The following KCNK2 variants were observed in gnomAD, a reference collection of about 807,000 sequenced individuals.
The protein encoded by KCNK2 is potassium channel subfamily K member 2.
A neutral mutation model predicts 40.5 loss-of-function variants in KCNK2; 21 were observed. That is an observed-to-expected ratio of 0.52 (90% CI 0.37 to 0.75). KCNK2 has a LOEUF of 0.75. KCNK2 is among the 30% of genes least tolerant of loss of function. KCNK2 has a pLI of 0.00. For missense variants in KCNK2, 399 were observed against 531.6 expected (o/e 0.75, Z 2.45); for synonymous variants, 191 against 202.2 (o/e 0.94, Z 0.47).
chr1:215,067,958 G>A (rs954908452), intron 1 of KCNK2, among the ~76,000 whole-genome samples: 7 of 151,792 alleles, frequency 4.6e-5, no homozygotes, highest in East Asian at 3.9e-4. Context: ...TGGGAAATTC[G>A]CCCATGTAAT....
chr1:215,049,891 C>A (rs1657921888), intron 1 of KCNK2, among the ~76,000 whole-genome samples: 1 of 152,070 alleles, frequency 6.6e-6, no homozygotes, highest in Admixed American at 6.6e-5. Flanking sequence ...TATCACCTTA[C>A]CTTAATTACT....
chr1:215,130,056 C>A (rs1661600177), intron 3 of KCNK2, among the ~76,000 whole-genome samples: 1 of 152,136 alleles, frequency 6.6e-6, no homozygotes, highest in Non-Finnish European at 1.5e-5. Flanking sequence ...TGGTGGGCTG[C>A]TAGATAGCTT....
chr1:215,104,516 T>C (rs546205814), intron 2 of KCNK2, among the ~76,000 whole-genome samples: 3 of 152,180 alleles, frequency 2.0e-5, no homozygotes, highest in African/African-American at 7.2e-5. Flanking sequence ...TGCTAGTGCC[T>C]GCTTGCTGCC....
At chr1:215,191,802 A>C (rs915854606) in intron 5 of KCNK2, among the ~76,000 whole-genome samples, 2 of 152,194 alleles carry the variant, frequency 1.3e-5, no homozygotes, top group Admixed American at 6.5e-5. Flanking sequence ...TAAAGAAAAA[A>C]GAGCAGTGGA....
chr1:215,083,053 G>A lies in KCNK2; in HGVS notation c.-333G>A. ...GGCGGGCAGGCGCGGGACCCGGGTC[G>A]CCCGCGCTCTCCGGGTGACCCGGGC... is the stretch of plus-strand genomic sequence containing the variant. On this transcript the variant is annotated 5_prime_UTR_variant, in exon 1 of 7. Coordinates refer to ENST00000444842, the MANE Select transcript of KCNK2 (RefSeq NM_001017425.3). 5.1e-6 allele frequency: 1 copy of A among 195,084 alleles called. No individual in the cohort carries two copies. Among genetic ancestry groups the A allele is most frequent in the Non-Finnish European group, 1.0e-5 (1 of 98,834 alleles). The allele number at this position is 195,084 out of a possible 1,614,324, so 12.1% of individuals were successfully genotyped here.
At chr1:215,163,949 A>G (rs868849047) in intron 3 of KCNK2, among the ~76,000 whole-genome samples, 2 of 151,480 alleles carry the variant, frequency 1.3e-5, no homozygotes, top group Non-Finnish European at 2.9e-5. Flanking sequence ...GAGTTAGGGA[A>G]GAGTCCCTCT....
At chr1:215,006,997 CTATATATATATATATATATA>C (rs199497700) in intron 1 of KCNK2, among the ~76,000 whole-genome samples, 21 of 81,708 alleles carry the variant, frequency 2.6e-4, no homozygotes, top group African/African-American at 3.9e-4. Flanking sequence ...GACCAATTCA[CTATATATATATATATATATA>C]TATATATATA....
intron 6 of KCNK2, among the ~76,000 whole-genome samples, chr1:215,205,379 A>G (rs1285878574): frequency 6.6e-6 from 1 of 152,108 alleles, no homozygotes; most frequent in African/African-American, 2.4e-5. Flanking sequence ...CTGGGACTAC[A>G]GGCACACACC....
At chr1:215,011,009 T>C (rs967564282) in intron 1 of KCNK2, among the ~76,000 whole-genome samples, 3 of 94,636 alleles carry the variant, frequency 3.2e-5, no homozygotes, top group African/African-American at 6.3e-5. Flanking sequence ...TAATATTGTA[T>C]TAAATATATA....
intron 1 of KCNK2, among the ~76,000 whole-genome samples, chr1:215,024,104 G>A (rs750975503): frequency 6.6e-6 from 1 of 152,168 alleles, no homozygotes; most frequent in Non-Finnish European, 1.5e-5. Flanking sequence ...AGAGTAAGGT[G>A]GCATGAACTT....
chr1:215,013,131 C>CCA (rs1323108282), intron 1 of KCNK2, among the ~76,000 whole-genome samples: 94 of 151,918 alleles, frequency 6.2e-4, no homozygotes, highest in African/African-American at 2.2e-3. Flanking sequence ...ACATTTAGAT[C>CCA]TATGATTCAC....
chr1:215,110,766 G>A (rs1490853380), intron 2 of KCNK2, among the ~76,000 whole-genome samples: 1 of 151,954 alleles, frequency 6.6e-6, no homozygotes, highest in Admixed American at 6.6e-5. Flanking sequence ...CACATGCATA[G>A]CTTTCTCCAT....
At chr1:215,221,328 C>T (rs1188764469) in intron 6 of KCNK2, among the ~76,000 whole-genome samples, 9 of 152,170 alleles carry the variant, frequency 5.9e-5, no homozygotes, top group East Asian at 5.8e-4. Flanking sequence ...GAGCTGAGAT[C>T]GCGCCACTAC....
intron 2 of KCNK2, among the ~76,000 whole-genome samples, chr1:215,088,575 G>GAA (rs10689637): frequency 0.051 from 6,760 of 133,804 alleles, 500 homozygotes; most frequent in African/African-American, 0.17. Context: ...GACAGGACAG[G>GAA]AAAAAAAAAA....
chr1:215,125,678 G>A (rs888784826), intron 3 of KCNK2, among the ~76,000 whole-genome samples: 4 of 146,916 alleles, frequency 2.7e-5, no homozygotes, highest in African/African-American at 1.0e-4. Flanking sequence ...CATGGCACAT[G>A]TATACATATG....
chr1:215,194,963 T>C lies in KCNK2; in HGVS notation c.834T>C (p.Asp278=). 1 of 1,613,388 alleles carries C rather than the reference T, an allele frequency of 6.2e-7. No individual in the cohort carries two copies. The highest frequency in any genetic ancestry group is 8.5e-7 in the Non-Finnish European group (1 of 1,179,570). Residue 278 remains aspartate, a synonymous_variant, in exon 6 of 7, where the codon GAT becomes GAC. Transcript: ENST00000444842. The stretch of plus-strand genomic sequence containing the variant: ...TTGTTTTGTCTCCAGGTGGATCCGA[T>C]ATTGAATATCTGGACTTCTATAAGC... ...GFGDYVAGGS[D]IEYLDFYKPV... is the part of the protein sequence containing the mutation.
chr1:215,034,620 T>C (rs1435680378), intron 1 of KCNK2, among the ~76,000 whole-genome samples: 1 of 152,146 alleles, frequency 6.6e-6, no homozygotes, highest in Non-Finnish European at 1.5e-5. Context: ...CATTCTAATG[T>C]CTAGTTGTTC....
In KCNK2 at chr1:215,145,836, A is replaced by C. The variant is rs867865544; in HGVS notation, c.475+21086A>C. On this transcript the variant is annotated intron_variant, in intron 3 of 6. Coordinates refer to ENST00000444842, the MANE Select transcript of KCNK2 (RefSeq NM_001017425.3). Reference sequence around the variant, plus strand: ...ATACACAGGAAAACTTAAGTTACTCAAATTTTGTGCTAAGAAATAGTTCTC... The same window carrying C: ...ATACACAGGAAAACTTAAGTTACTCCAATTTTGTGCTAAGAAATAGTTCTC... Among the ~76,000 whole-genome samples, 7 of 152,266 alleles carry C rather than the reference A, an allele frequency of 4.6e-5. 1 individual carries two copies. Among genetic ancestry groups the C allele is most frequent in the Middle Eastern group, 3.4e-3 (1 of 294 alleles).
intron 1 of KCNK2, among the ~76,000 whole-genome samples, chr1:215,012,220 T>C (rs1656423479): frequency 6.6e-6 from 1 of 152,162 alleles, no homozygotes; most frequent in African/African-American, 2.4e-5. Flanking sequence ...TATAAGAAAT[T>C]ACCAAACCGT....
Sources: gnomAD v4.1 joint callset for allele counts (sites outside exome capture counted in the v4.1 genomes callset) on GRCh38, gnomAD v4.1.1 for gene constraint, MANE v1.5 for transcripts, NCBI Gene and HGNC (gene_info 2026-07-23, HGNC 2026-07-21) for gene names.